BBX: variants seen among roughly 807,000 people sequenced by gnomAD.
BBX encodes HMG box transcription factor BBX.
Under a neutral mutation model 100.2 loss-of-function variants are expected in BBX, and 30 were observed. That is an observed-to-expected ratio of 0.30 (90% CI 0.22 to 0.41). The LOEUF (loss-of-function observed/expected upper bound fraction) is 0.41. Among genes scored for constraint, BBX ranks in the 10% least tolerant of loss-of-function variants. The pLI, the probability that BBX is intolerant of heterozygous loss-of-function variation, is 1.00. For synonymous variants in BBX, 376 were observed against 388.1 expected (o/e 0.97, Z 0.37); for missense variants, 1,023 against 1,129.8 (o/e 0.91, Z 1.35).
intron 15 of BBX, among the ~76,000 whole-genome samples, chr3:107,792,711 A>T (rs1047936027): frequency 5.3e-5 from 8 of 152,302 alleles, no homozygotes; most frequent in African/African-American, 1.9e-4. Flanking sequence ...AACATCCTCA[A>T]ATTGATACAT....
At chr3:107,791,393 AAAC>A in intron 15 of BBX, 94 bp downstream of exon 15, 4 of 1,040,530 alleles carry the variant, frequency 3.8e-6, no homozygotes. Flanking sequence ...ATATAGGTTT[AAAC>A]AACAGCACTA....
intron 17 of BBX, among the ~76,000 whole-genome samples, chr3:107,805,112 C>T (rs1022291046): frequency 6.6e-6 from 1 of 151,724 alleles, no homozygotes; most frequent in African/African-American, 2.4e-5. Context: ...AGAGGGTATG[C>T]TGTTGAGTTG....
chr3:107,747,612 C>T lies in BBX; in HGVS notation c.751-353C>T, dbSNP rs1213375604. Among the ~76,000 whole-genome samples, 3 of 151,848 alleles carry T rather than the reference C, an allele frequency of 2.0e-5. No individual in the cohort carries two copies. The East Asian group carries it at 5.8e-4, about 29-fold the overall frequency. ...TATTGGGAAGAGAGTGAGGGAGTGG[C>T]TTCACTTGCAACCTCCAGCTTTTAA... is the stretch of plus-strand genomic sequence containing the variant. On this transcript the variant is annotated intron_variant, in intron 8 of 17. Transcript: ENST00000325805.
intron 10 of BBX, among the ~76,000 whole-genome samples, chr3:107,756,938 TAAAC>T (rs2065522962): frequency 1.3e-5 from 2 of 152,148 alleles, no homozygotes. Context: ...CAAATCCTAG[TAAAC>T]AGACAGACTG....
intron 13 of BBX, among the ~76,000 whole-genome samples, chr3:107,783,367 AC>A (rs533084899): frequency 1.4e-3 from 212 of 152,220 alleles, no homozygotes; most frequent in African/African-American, 4.8e-3. Flanking sequence ...GTACAAAACT[AC>A]TATGATTGTT....
At chr3:107,599,380 A>G (rs74401881) in intron 2 of BBX, 48 of 152,328 alleles carry the variant, frequency 3.2e-4, no homozygotes, top group African/African-American at 1.2e-3. Flanking sequence ...TTTCACTGAA[A>G]GAATTATATT....
chr3:107,794,577 C>G (rs2069408132), intron 15 of BBX, among the ~76,000 whole-genome samples: 1 of 152,182 alleles, frequency 6.6e-6, no homozygotes. Context: ...CCCAATCTAA[C>G]TCGATCTCTT....
chr3:107,554,996 A>G (rs1009267391), intron 2 of BBX, among the ~76,000 whole-genome samples: 1 of 151,262 alleles, frequency 6.6e-6, no homozygotes, highest in African/African-American at 2.4e-5. Flanking sequence ...TGAACCTGGG[A>G]GGCGGAGGTT....
intron 3 of BBX, among the ~76,000 whole-genome samples, chr3:107,673,809 C>A (rs1478691608): frequency 2.0e-5 from 3 of 152,072 alleles, no homozygotes; most frequent in East Asian, 3.9e-4. Flanking sequence ...ATAAAGAAGC[C>A]CACTTGTTAG....
intron 2 of BBX, among the ~76,000 whole-genome samples, chr3:107,572,759 G>A (rs891507996): frequency 6.6e-6 from 1 of 152,104 alleles, no homozygotes; most frequent in Non-Finnish European, 1.5e-5. Context: ...CTCTATTGTT[G>A]TATTAAAAGG....
intron 10 of BBX, among the ~76,000 whole-genome samples, chr3:107,757,119 A>G (rs2065540922): frequency 6.6e-6 from 1 of 152,158 alleles, no homozygotes; most frequent in African/African-American, 2.4e-5. Flanking sequence ...ATATAGGAAA[A>G]TACATATGAT....
intron 2 of BBX, among the ~76,000 whole-genome samples, chr3:107,619,024 C>G (rs1218926267): frequency 6.6e-6 from 1 of 151,978 alleles, no homozygotes; most frequent in Non-Finnish European, 1.5e-5. Flanking sequence ...TTGTCTGTTT[C>G]TCCTTTCGGT....
At chr3:107,568,018 A>C (rs1290278052) in intron 2 of BBX, among the ~76,000 whole-genome samples, 1 of 145,666 alleles carries the variant, frequency 6.9e-6, no homozygotes, top group African/African-American at 2.5e-5. Context: ...AGGTTGATTA[A>C]AAAAAAAAAA....
chr3:107,547,156 A>AT (rs1413506605), intron 2 of BBX, among the ~76,000 whole-genome samples: 4 of 152,036 alleles, frequency 2.6e-5, no homozygotes, highest in Non-Finnish European at 4.4e-5. Context: ...AACATCCTCA[A>AT]TTTTTTTTGT....
rs2067065969 is a variant in BBX at position 107,773,402 on chromosome 3, A to G, written c.1681A>G (p.Ser561Gly). 6.2e-7 allele frequency: 1 copy of G among 1,614,126 alleles called. No individual in the cohort carries two copies. Among genetic ancestry groups the G allele is most frequent in the Non-Finnish European group, 8.5e-7 (1 of 1,179,992 alleles). ...TCCAGATTTCATTAGTATTTCTGCT[A>G]GCAAGAACATTTCTGGTGAGACACC... ...RPPDFISISASKNISGETPEG... is the reference protein window; with the variant it reads ...RPPDFISISAGKNISGETPEG... Residue 561 changes from serine to glycine, a missense_variant, in exon 11 of 18, where the codon AGC (serine) becomes GGC (glycine). By Grantham distance (56) the Ser-to-Gly change is moderately conservative. Coordinates refer to ENST00000325805, the MANE Select transcript of BBX (RefSeq NM_001142568.3). This position sits in a 1 kb window ranked among gnomAD's most constrained non-coding sequence, Gnocchi z 4.1.
intron 12 of BBX, among the ~76,000 whole-genome samples, chr3:107,777,368 C>T (rs1334379897): frequency 6.6e-6 from 1 of 152,108 alleles, no homozygotes; most frequent in African/African-American, 2.4e-5. Flanking sequence ...TATATTCCTC[C>T]AAAACAGTTG....
chr3:107,536,435 A>G (rs1401674890), intron 2 of BBX, among the ~76,000 whole-genome samples: 1 of 152,138 alleles, frequency 6.6e-6, no homozygotes, highest in Non-Finnish European at 1.5e-5. Context: ...TATTTTAGCA[A>G]AGTAGCTTTT....
intron 3 of BBX, among the ~76,000 whole-genome samples, chr3:107,678,819 T>C (rs4855608): frequency 0.72 from 109,201 of 152,076 alleles, 39,494 homozygotes; most frequent in East Asian, 0.96. Context: ...TGATAGCAAA[T>C]CTTCATTTGC....
intron 3 of BBX, among the ~76,000 whole-genome samples, chr3:107,685,685 A>G (rs2059807631): frequency 6.6e-6 from 1 of 152,204 alleles, no homozygotes; most frequent in Non-Finnish European, 1.5e-5. Flanking sequence ...CATTTTAACT[A>G]ATACTCTATT....
Sources: gnomAD v4.1 joint callset for allele counts (sites outside exome capture counted in the v4.1 genomes callset) on GRCh38, gnomAD v4.1.1 for gene constraint, Gnocchi (gnomAD v3.1) non-coding constraint, MANE v1.5 for transcripts, NCBI Gene and HGNC (gene_info 2026-07-23, HGNC 2026-07-21) for gene names.